GRM1: variants seen among roughly 807,000 people sequenced by gnomAD.
GRM1 encodes glutamate metabotropic receptor 1.
GRM1 carries 33 observed loss-of-function variants against 90.9 expected under a neutral mutation model. The observed-to-expected ratio is 0.36, with a 90% CI of 0.28 to 0.49. The LOEUF is 0.49. GRM1 is among the 20% of genes least tolerant of loss of function. The probability of loss-of-function intolerance (pLI) is 0.99; values close to 1 mark genes in which losing one functional copy is unlikely to be tolerated. For missense variants in GRM1, 1,190 were observed against 1,534.3 expected (o/e 0.78, Z 3.75); for synonymous variants, 700 against 613.2 (o/e 1.14, Z -2.09).
chr6:146,170,395 A>G (rs1050293591), intron 2 of GRM1, among the ~76,000 whole-genome samples: 39 of 151,810 alleles, frequency 2.6e-4, no homozygotes, highest in Admixed American at 2.4e-3. Flanking sequence ...CTCTTTTTAT[A>G]TGTATGTTGG....
rs532773151 is a variant in GRM1 at position 146,313,831 on chromosome 6, G to A, written c.1186+8985G>A. On this transcript the variant is annotated intron_variant, in intron 3 of 7. Coordinates refer to ENST00000282753, the MANE Select transcript of GRM1 (RefSeq NM_001278064.2). ...CATATTGCTTCTCAAATTCCTTTGT[G>A]CCTCATTGAAAATCCCTCTCGTCTA... Among the ~76,000 whole-genome samples the A allele has an allele frequency of 1.8e-3, 273 of 151,998 alleles. 2 individuals carry two copies. The highest frequency in any genetic ancestry group is 6.0e-3 in the African/African-American group (250 of 41,488).
At chr6:146,172,366 G>T (rs1422298758) in intron 2 of GRM1, among the ~76,000 whole-genome samples, 1 of 152,152 alleles carries the variant, frequency 6.6e-6, no homozygotes, top group Non-Finnish European at 1.5e-5. Flanking sequence ...TATAACTCAG[G>T]ACATTCTCCC....
intron 1 of GRM1, among the ~76,000 whole-genome samples, chr6:146,047,195 G>A (rs2128845630): frequency 6.6e-6 from 1 of 152,072 alleles, no homozygotes; most frequent in Middle Eastern, 3.4e-3. Context: ...TGCTATGTTA[G>A]TCAAAATAGA....
At chr6:146,390,586 A>T (rs1017779513) in intron 6 of GRM1, among the ~76,000 whole-genome samples, 8 of 143,510 alleles carry the variant, frequency 5.6e-5, no homozygotes, top group African/African-American at 2.0e-4. Flanking sequence ...TTTTCTCATT[A>T]AAAAAAAAAA....
Position 146,365,795 on chromosome 6 carries a change from C to T in GRM1, c.1602+8101C>T, listed in dbSNP as rs571981755. Among the ~76,000 whole-genome samples the T allele has an allele frequency of 1.1e-4, 17 of 152,204 alleles. No individual in the cohort carries two copies. In the East Asian group the frequency reaches 2.7e-3, roughly 24 times the overall value. ...ACCACCATATGCAAAATGGTAACCC[C>T]GTATTTCAGGTGTCTTCCTATCAGG... On this transcript the variant is annotated intron_variant, in intron 5 of 7. Coordinates refer to ENST00000282753, the MANE Select transcript of GRM1 (RefSeq NM_001278064.2).
chr6:146,057,432 C>A (rs1456754075), intron 1 of GRM1, among the ~76,000 whole-genome samples: 1 of 152,086 alleles, frequency 6.6e-6, no homozygotes, highest in African/African-American at 2.4e-5. Flanking sequence ...AACGGCACAC[C>A]TTTTTGAATT....
chr6:146,245,478 T>G (rs946621252), intron 2 of GRM1, among the ~76,000 whole-genome samples: 6 of 152,194 alleles, frequency 3.9e-5, no homozygotes, highest in African/African-American at 1.4e-4. Context: ...TCATAATTAC[T>G]ATTTATTGAT....
chr6:146,054,598 C>G (rs2128850433), intron 1 of GRM1, among the ~76,000 whole-genome samples: 1 of 152,028 alleles, frequency 6.6e-6, no homozygotes, highest in South Asian at 2.1e-4. Flanking sequence ...TAGTTTATGT[C>G]AGGGGGCATA....
chr6:146,210,545 G>T (rs1284425436), intron 2 of GRM1, among the ~76,000 whole-genome samples: 1 of 152,112 alleles, frequency 6.6e-6, no homozygotes, highest in African/African-American at 2.4e-5. Context: ...TGCAATGTCA[G>T]GGAGTGCTGG....
chr6:146,369,303 G>GT (rs1210886758), intron 5 of GRM1, among the ~76,000 whole-genome samples: 11 of 151,176 alleles, frequency 7.3e-5, no homozygotes, highest in Non-Finnish European at 1.5e-4. Context: ...ATCTGTTTTA[G>GT]TTTTTATTAG....
intron 2 of GRM1, among the ~76,000 whole-genome samples, chr6:146,217,439 G>T (rs926201608): frequency 1.3e-5 from 2 of 152,150 alleles, no homozygotes; most frequent in Middle Eastern, 3.2e-3. Context: ...CATAGCACAG[G>T]TTCAACAGAG....
At chr6:146,398,097 A>C (rs1182445179) in intron 6 of GRM1, among the ~76,000 whole-genome samples, 1 of 152,220 alleles carries the variant, frequency 6.6e-6, no homozygotes, top group Non-Finnish European at 1.5e-5. Flanking sequence ...TCCTTTCAAG[A>C]GATGGGTTAG....
chr6:146,220,429 A>C (rs1780021725), intron 2 of GRM1, among the ~76,000 whole-genome samples: 1 of 152,148 alleles, frequency 6.6e-6, no homozygotes, highest in South Asian at 2.1e-4. Flanking sequence ...CATTAGTCTG[A>C]AAAGTCCACC....
At chr6:146,199,157 T>G (rs891282029) in intron 2 of GRM1, among the ~76,000 whole-genome samples, 3 of 152,218 alleles carry the variant, frequency 2.0e-5, no homozygotes, top group Non-Finnish European at 4.4e-5. Context: ...GTATTCCTGA[T>G]AGTGGCTGGT....
chr6:146,158,014 C>A (rs889613054), intron 1 of GRM1, among the ~76,000 whole-genome samples: 1 of 152,082 alleles, frequency 6.6e-6, no homozygotes, highest in Non-Finnish European at 1.5e-5. Context: ...TTTATTCCTT[C>A]TGTAAGAAAA....
chr6:146,049,594 T>C (rs1166222536), intron 1 of GRM1, among the ~76,000 whole-genome samples: 3 of 144,420 alleles, frequency 2.1e-5, no homozygotes, highest in African/African-American at 7.6e-5. Flanking sequence ...CAAGTTACTG[T>C]GGAACTTCTC....
At chr6:146,288,690 GA>G (rs1377759506) in intron 2 of GRM1, among the ~76,000 whole-genome samples, 3 of 152,124 alleles carry the variant, frequency 2.0e-5, no homozygotes, top group African/African-American at 7.2e-5. Context: ...ATTTTTAGTA[GA>G]GATGGGGTTT....
At chr6:146,239,224 G>T (rs1231515542) in intron 2 of GRM1, among the ~76,000 whole-genome samples, 2 of 152,032 alleles carry the variant, frequency 1.3e-5, no homozygotes, top group Non-Finnish European at 2.9e-5. Context: ...AGCTCAGATG[G>T]GCTGAATTGT....
chr6:146,131,559 G>T (rs1000593825), intron 1 of GRM1, among the ~76,000 whole-genome samples: 1 of 151,818 alleles, frequency 6.6e-6, no homozygotes, highest in Non-Finnish European at 1.5e-5. Context: ...ACTGCCACTT[G>T]CAGAGGCTCT....
Sources: gnomAD v4.1 joint callset for allele counts (sites outside exome capture counted in the v4.1 genomes callset) on GRCh38, gnomAD v4.1.1 for gene constraint, MANE v1.5 for transcripts, NCBI Gene and HGNC (gene_info 2026-07-23, HGNC 2026-07-21) for gene names.